Variants in EXOC6B observed in about 807,000 individuals in gnomAD.
EXOC6B encodes the protein SEC15 homolog B.
A neutral mutation model predicts 113.5 loss-of-function variants in EXOC6B; 54 were observed. That is an observed-to-expected ratio of 0.48 (90% CI 0.38 to 0.60). The LOEUF (loss-of-function observed/expected upper bound fraction) is 0.60, where lower values mean the gene tolerates loss of function less well. Among genes scored for constraint, EXOC6B ranks in the 20% least tolerant of loss-of-function variants. The probability of loss-of-function intolerance (pLI) is 0.00; values close to 1 mark genes in which losing one functional copy is unlikely to be tolerated. For missense variants in EXOC6B, 797 were observed against 977.5 expected (o/e 0.82, Z 2.46); for synonymous variants, 357 against 339.0 (o/e 1.05, Z -0.58).
At position 72,625,048 on chromosome 2, in the gene EXOC6B, A is replaced by T. The variant is rs917695042; in HGVS notation, c.670-49380T>A. Among the ~76,000 whole-genome samples, 4 of 126,410 alleles carry T rather than the reference A, an allele frequency of 3.2e-5. No homozygotes were observed. In the Admixed American group the frequency reaches 3.5e-4, roughly 11 times the overall value. 82.9% of individuals were successfully genotyped at this position (126,410 alleles called of 152,430 possible). A position where few individuals can be genotyped will look rare whatever the true frequency, so the allele number is the denominator to read the frequency against. On this transcript the variant is annotated intron_variant, in intron 6 of 21. Coordinates refer to ENST00000272427, the MANE Select transcript of EXOC6B (RefSeq NM_015189.3). ...TCCAAACCTTTATTTATGCAAGAAC[A>T]TATAGAAGTTTTTTTTTGGGGGGGG...
intron 7 of EXOC6B, among the ~76,000 whole-genome samples, chr2:72,561,767 A>G (rs1006037851): frequency 2.6e-5 from 4 of 152,180 alleles, no homozygotes; most frequent in African/African-American, 9.6e-5. Context: ...GTCATCTCCA[A>G]CGAATATTTA....
intron 6 of EXOC6B, among the ~76,000 whole-genome samples, chr2:72,582,293 C>T (rs1414410271): frequency 1.3e-5 from 2 of 152,014 alleles, no homozygotes; most frequent in Non-Finnish European, 2.9e-5. Context: ...GGGCTGACTG[C>T]TTGAGCTCAG....
Position 72,824,651 on chromosome 2 carries a change from G to T in EXOC6B, c.113+1147C>A, listed in dbSNP as rs1304884484. 4.6e-5 allele frequency among the ~76,000 whole-genome samples: 7 copies of T among 152,214 alleles called. No individual in the cohort carries two copies. In the East Asian group the frequency reaches 1.2e-3, roughly 25 times the overall value. ...AGTAATAACTTTTCTGATGGGAGGGGCAGTGACCCAAGACTGTGCAAGGAG... is the reference window on the plus strand; with the variant it reads ...AGTAATAACTTTTCTGATGGGAGGGTCAGTGACCCAAGACTGTGCAAGGAG... On this transcript the variant is annotated intron_variant, in intron 1 of 21. Transcript: ENST00000272427.
intron 6 of EXOC6B, among the ~76,000 whole-genome samples, chr2:72,673,393 A>T (rs1676051495): frequency 6.6e-6 from 1 of 152,224 alleles, no homozygotes; most frequent in African/African-American, 2.4e-5. Context: ...GGATGCCTAC[A>T]ACTCTGGCTA....
chr2:72,605,431 C>T (rs1670697278), intron 6 of EXOC6B, among the ~76,000 whole-genome samples: 1 of 152,088 alleles, frequency 6.6e-6, no homozygotes, highest in South Asian at 2.1e-4. Flanking sequence ...TAATCTCTTC[C>T]CAGTCTCATC....
At chr2:72,620,306 G>C (rs1207716332) in intron 6 of EXOC6B, among the ~76,000 whole-genome samples, 1 of 152,280 alleles carries the variant, frequency 6.6e-6, no homozygotes, top group South Asian at 2.1e-4. Flanking sequence ...TGGGGGGCAG[G>C]GAAGAGCATC....
chr2:72,677,039 T>C (rs1676361706), intron 6 of EXOC6B, among the ~76,000 whole-genome samples: 3 of 152,152 alleles, frequency 2.0e-5, no homozygotes, highest in Non-Finnish European at 2.9e-5. Flanking sequence ...AAAACACAAA[T>C]GACTATCATT....
chr2:72,261,975 G>C (rs1432111855), intron 20 of EXOC6B, among the ~76,000 whole-genome samples: 4 of 152,126 alleles, frequency 2.6e-5, no homozygotes, highest in Non-Finnish European at 4.4e-5. Context: ...AGGAAGGTTA[G>C]ATTACTTGCT....
At chr2:72,808,203 C>T (rs1347744256) in intron 1 of EXOC6B, among the ~76,000 whole-genome samples, 1 of 152,118 alleles carries the variant, frequency 6.6e-6, no homozygotes, top group African/African-American at 2.4e-5. Context: ...TAGGTAAAGA[C>T]AATAGGCTTT....
chr2:72,471,533 T>C (rs1314477348), intron 17 of EXOC6B, among the ~76,000 whole-genome samples: 1 of 152,224 alleles, frequency 6.6e-6, no homozygotes, highest in Non-Finnish European at 1.5e-5. Flanking sequence ...CATGAAGTCC[T>C]TGCCCATGCC....
intron 20 of EXOC6B, among the ~76,000 whole-genome samples, chr2:72,250,945 C>G (rs964664997): frequency 1.3e-4 from 19 of 151,942 alleles, no homozygotes; most frequent in African/African-American, 4.1e-4. Context: ...CCTCCTGACC[C>G]TCTTACCTCA....
At chr2:72,672,970 T>TAA (rs1283710034) in intron 6 of EXOC6B, among the ~76,000 whole-genome samples, 4 of 152,178 alleles carry the variant, frequency 2.6e-5, no homozygotes, top group Non-Finnish European at 4.4e-5. Flanking sequence ...AAAAGATACA[T>TAA]ATTTAAGGTG....
At chr2:72,291,618 A>G (rs373301888) in intron 20 of EXOC6B, among the ~76,000 whole-genome samples, 97 of 152,286 alleles carry the variant, frequency 6.4e-4, no homozygotes, top group African/African-American at 2.1e-3. Context: ...TTTTCCACTC[A>G]TTAGCTAATT....
chr2:72,751,447 G>A lies in EXOC6B; in HGVS notation c.114-9978C>T, dbSNP rs908253794. ...AAGGTTTTATCATGCAGATGAAGCC[G>A]CCAAGTAGCAGGCTGCAGAGAGAAT... On this transcript the variant is annotated intron_variant, in intron 1 of 21. Transcript: ENST00000272427. 4.6e-5 allele frequency among the ~76,000 whole-genome samples: 7 copies of A among 152,144 alleles called. No individual in the cohort carries two copies. In the South Asian group the frequency reaches 8.3e-4, roughly 18 times the overall value.
At chr2:72,702,434 C>T (rs1238984544) in intron 6 of EXOC6B, among the ~76,000 whole-genome samples, 1 of 128,246 alleles carries the variant, frequency 7.8e-6, no homozygotes, top group African/African-American at 3.0e-5. Flanking sequence ...TGGGTATATA[C>T]CCAGTAATGG....
intron 1 of EXOC6B, among the ~76,000 whole-genome samples, chr2:72,813,890 AG>A (rs1350494487): frequency 1.3e-5 from 2 of 152,208 alleles, no homozygotes; most frequent in Non-Finnish European, 2.9e-5. Context: ...TCTAAGTTAC[AG>A]GAAGTGGTAG....
At chr2:72,399,392 G>A (rs1447695723) in intron 18 of EXOC6B, among the ~76,000 whole-genome samples, 1 of 152,120 alleles carries the variant, frequency 6.6e-6, no homozygotes. Flanking sequence ...ACACAGTACT[G>A]GAAGTCTTAA....
intron 6 of EXOC6B, among the ~76,000 whole-genome samples, chr2:72,632,210 T>C (rs1489535311): frequency 6.6e-6 from 1 of 152,176 alleles, no homozygotes; most frequent in African/African-American, 2.4e-5. Flanking sequence ...GATAAACATG[T>C]GTTAAAACAT....
chr2:72,777,314 A>T (rs1032959258), intron 1 of EXOC6B, among the ~76,000 whole-genome samples: 26 of 152,260 alleles, frequency 1.7e-4, no homozygotes, highest in African/African-American at 5.8e-4. Flanking sequence ...TGTATTAAGG[A>T]TCCTCAATAA....
Sources: allele counts gnomAD v4.1 joint callset (sites outside exome capture counted in the v4.1 genomes callset), GRCh38; gene constraint gnomAD v4.1.1; transcripts MANE v1.5; gene names NCBI Gene and HGNC (gene_info 2026-07-23, HGNC 2026-07-21).